The following CDH8 variants were observed in gnomAD, a reference collection of about 807,000 sequenced individuals.
CDH8 encodes the protein cadherin 8.
A neutral mutation model predicts 68.1 loss-of-function variants in CDH8; 17 were observed. That is an observed-to-expected ratio of 0.25 (90% CI 0.17 to 0.37). CDH8 has a LOEUF of 0.37. CDH8 is among the 10% of genes least tolerant of loss of function. The probability of loss-of-function intolerance (pLI) is 1.00; values close to 1 mark genes in which losing one functional copy is unlikely to be tolerated. For missense variants in CDH8, 763 were observed against 999.3 expected, an observed-to-expected ratio of 0.76 and a Z score of 3.19; for synonymous variants, 372 against 365.1, an observed-to-expected ratio of 1.02 and a Z score of -0.21.
intron 3 of CDH8, among the ~76,000 whole-genome samples, chr16:61,871,649 G>C (rs949869866): frequency 1.8e-4 from 28 of 151,454 alleles, no homozygotes; most frequent in African/African-American, 6.5e-4. Flanking sequence ...AATGGGAAAT[G>C]TGAGAAAACC....
At chr16:62,013,650 A>C (rs1031548912) in intron 2 of CDH8, among the ~76,000 whole-genome samples, 45 of 152,134 alleles carry the variant, frequency 3.0e-4, no homozygotes, top group Non-Finnish European at 5.9e-4. Context: ...TTATGTTATA[A>C]ATCTTAATTT....
chr16:61,858,159 G>C (rs958858357), intron 3 of CDH8, among the ~76,000 whole-genome samples: 2 of 152,006 alleles, frequency 1.3e-5, no homozygotes, highest in African/African-American at 4.8e-5. Context: ...AGGAGGAAGG[G>C]TCAAACAAAT....
At position 61,980,828 on chromosome 16, in the gene CDH8, G is replaced by C. The variant is rs544555895; in HGVS notation, c.252+40324C>G. 2.0e-5 allele frequency among the ~76,000 whole-genome samples: 3 copies of C among 152,130 alleles called. No homozygotes were observed. In the East Asian group the frequency reaches 5.8e-4, roughly 29 times the overall value. ...AAATGTTTGTTAAAATATAATGTCA[G>C]AAAATAAATATAAAATGCAGATATA... On this transcript the variant is annotated intron_variant, in intron 2 of 11. Coordinates refer to ENST00000577390, the MANE Select transcript of CDH8 (RefSeq NM_001796.5).
At chr16:61,903,536 C>T (rs1348192072) in intron 2 of CDH8, among the ~76,000 whole-genome samples, 2 of 152,048 alleles carry the variant, frequency 1.3e-5, no homozygotes, top group South Asian at 2.1e-4. Flanking sequence ...TGGTCTTGAT[C>T]TCCTGACCTT....
chr16:61,986,295 C>T (rs543165820), intron 2 of CDH8, among the ~76,000 whole-genome samples: 5 of 152,162 alleles, frequency 3.3e-5, no homozygotes, highest in African/African-American at 9.6e-5. Flanking sequence ...TGGAATACTA[C>T]GTAGAAAATG....
At chr16:61,877,116 CATG>C (rs1963476603) in intron 3 of CDH8, among the ~76,000 whole-genome samples, 1 of 152,088 alleles carries the variant, frequency 6.6e-6, no homozygotes, top group African/African-American at 2.4e-5. Context: ...GTGTTACCAG[CATG>C]ATGTTTGTTT....
rs1963366919 is a variant in CDH8, at chr16:61,653,387, C to T, written c.*221G>A. Reference sequence around the variant, plus strand: ...AAATATCCAAGGACTTCTAGACACTCCACATACTTAATTCACACTCCACAA... The same window carrying T: ...AAATATCCAAGGACTTCTAGACACTTCACATACTTAATTCACACTCCACAA... On this transcript the variant is annotated 3_prime_UTR_variant, in exon 12 of 12. Transcript: ENST00000577390. 7.4e-7 allele frequency: 1 copy of T among 1,347,206 alleles called. No homozygotes were observed. The allele number at this position is 1,347,206 out of a possible 1,614,324, so 83.5% of individuals were successfully genotyped here.
chr16:61,866,580 GTA>G (rs5817318), intron 3 of CDH8, among the ~76,000 whole-genome samples: 2 of 151,180 alleles, frequency 1.3e-5, no homozygotes, highest in Non-Finnish European at 2.9e-5. Context: ...GTGTGTGTGT[GTA>G]TATATATATA....
chr16:61,972,678 G>A (rs1965363218), intron 2 of CDH8, among the ~76,000 whole-genome samples: 1 of 151,710 alleles, frequency 6.6e-6, no homozygotes. Flanking sequence ...ATTGGACCAT[G>A]AGCAGGAATA....
intron 10 of CDH8, among the ~76,000 whole-genome samples, chr16:61,675,718 A>G (rs1350282386): frequency 6.6e-6 from 1 of 151,710 alleles, no homozygotes; most frequent in East Asian, 1.9e-4. Context: ...TGACTTTATA[A>G]TGTATAGAAA....
At chr16:61,717,032 C>T (rs1025801999) in intron 9 of CDH8, among the ~76,000 whole-genome samples, 1 of 151,648 alleles carries the variant, frequency 6.6e-6, no homozygotes, top group African/African-American at 2.4e-5. Context: ...GTAGGGTCCA[C>T]TGTGAGCTAC....
rs34925928 is a variant in CDH8 at position 61,992,077 on chromosome 16, T to TGTGTGAGAGA, written c.252+29074_252+29075insTCTCTCACAC. ...GTGTGTGTGTGTGTGTGTGTGTGTG[T>TGTGTGAGAGA]GAGAGAGAGAGAGAGATTTTTACAG... is the stretch of plus-strand genomic sequence containing the variant. On this transcript the variant is annotated intron_variant, in intron 2 of 11. Transcript: ENST00000577390. Among the ~76,000 whole-genome samples, 1,002 of 144,226 alleles carry TGTGTGAGAGA rather than the reference T, an allele frequency of 6.9e-3. 10 individuals carry two copies. Among genetic ancestry groups the TGTGTGAGAGA allele is most frequent in the African/African-American group, 0.024 (941 of 38,434 alleles). 94.6% of individuals were successfully genotyped at this position (144,226 alleles called of 152,430 possible). A position where few individuals can be genotyped will look rare whatever the true frequency, so the allele number is the denominator to read the frequency against.
At chr16:61,978,451 A>T (rs1334451459) in intron 2 of CDH8, among the ~76,000 whole-genome samples, 1 of 152,214 alleles carries the variant, frequency 6.6e-6, no homozygotes, top group Non-Finnish European at 1.5e-5. Flanking sequence ...CATTTATCCA[A>T]ATAAAATGCT....
At chr16:62,019,253 A>G (rs1902015410) in intron 2 of CDH8, among the ~76,000 whole-genome samples, 1 of 152,242 alleles carries the variant, frequency 6.6e-6, no homozygotes, top group Non-Finnish European at 1.5e-5. Context: ...TCATAAGTGT[A>G]AATTACAGTT....
intron 2 of CDH8, among the ~76,000 whole-genome samples, chr16:61,983,556 C>G (rs1177865819): frequency 6.6e-6 from 1 of 152,216 alleles, no homozygotes; most frequent in Non-Finnish European, 1.5e-5. Flanking sequence ...AGTTCACACA[C>G]TACCTATCAG....
At chr16:61,739,421 G>A (rs1241295046) in intron 8 of CDH8, among the ~76,000 whole-genome samples, 2 of 151,894 alleles carry the variant, frequency 1.3e-5, no homozygotes, top group South Asian at 2.1e-4. Context: ...AGCATCTATT[G>A]AGTGATCTGT....
chr16:61,756,442 T>C (rs1419190795), intron 8 of CDH8, among the ~76,000 whole-genome samples: 2 of 152,154 alleles, frequency 1.3e-5, no homozygotes, highest in African/African-American at 4.8e-5. Context: ...GAAGTATTAC[T>C]AAAAGATTCC....
chr16:61,893,733 C>T (rs184414998), intron 3 of CDH8, among the ~76,000 whole-genome samples: 33 of 152,242 alleles, frequency 2.2e-4, no homozygotes, highest in African/African-American at 7.7e-4. Context: ...AAGGACACAT[C>T]GTGACCAAGT....
At chr16:61,840,342 A>C (rs1300419151) in intron 4 of CDH8, among the ~76,000 whole-genome samples, 1 of 152,166 alleles carries the variant, frequency 6.6e-6, no homozygotes, top group African/African-American at 2.4e-5. Context: ...CATTTACAAA[A>C]TAATAACCAA....
Sources: allele counts gnomAD v4.1 joint callset (sites outside exome capture counted in the v4.1 genomes callset), GRCh38; gene constraint gnomAD v4.1.1; transcripts MANE v1.5; gene names NCBI Gene and HGNC (gene_info 2026-07-23, HGNC 2026-07-21).